The following ZBTB20 variants were observed in gnomAD, a reference collection of about 807,000 sequenced individuals.
The protein encoded by ZBTB20 is zinc finger and BTB domain containing 20, also known as zinc finger and BTB domain-containing protein 20.
Under a neutral mutation model 56.9 loss-of-function variants are expected in ZBTB20, and 9 were observed. The observed-to-expected ratio is 0.16, with a 90% CI of 0.10 to 0.28. The LOEUF is 0.28. ZBTB20 is among the 10% of genes least tolerant of loss of function. ZBTB20 has a pLI of 1.00. For missense variants in ZBTB20, 655 were observed against 1,003.0 expected, an observed-to-expected ratio of 0.65 and a Z score of 4.69; for synonymous variants, 417 against 420.7, an observed-to-expected ratio of 0.99 and a Z score of 0.11.
chr3:114,382,722 T>C (rs182755374), intron 8 of ZBTB20, among the ~76,000 whole-genome samples: 2 of 152,344 alleles, frequency 1.3e-5, no homozygotes, highest in South Asian at 2.1e-4. Context: ...CAATAATGGC[T>C]ATTTATGTGC....
intron 4 of ZBTB20, chr3:114,874,105 T>C (rs1360008663): frequency 6.6e-6 from 1 of 152,116 alleles, no homozygotes; most frequent in Non-Finnish European, 1.5e-5. Context: ...TGCTTAGACA[T>C]AGGCTTAAAA....
intron 2 of ZBTB20, among the ~76,000 whole-genome samples, chr3:115,065,252 T>C (rs1278696549): frequency 6.6e-6 from 1 of 152,202 alleles, no homozygotes; most frequent in Non-Finnish European, 1.5e-5. Context: ...TCTTGTCATG[T>C]TTCATAGTAG....
intron 6 of ZBTB20, among the ~76,000 whole-genome samples, chr3:114,585,877 A>G (rs752629221): frequency 7.9e-5 from 12 of 152,256 alleles, no homozygotes; most frequent in Non-Finnish European, 1.6e-4. Flanking sequence ...ACTTCAGCAG[A>G]TAAAGGGTCT....
intron 7 of ZBTB20, among the ~76,000 whole-genome samples, chr3:114,468,424 T>C (rs749311538): frequency 6.6e-6 from 1 of 152,188 alleles, no homozygotes; most frequent in African/African-American, 2.4e-5. Context: ...ATTTTTTGTA[T>C]ATGTACATAT....
chr3:115,096,995 C>T (rs2083402875), intron 1 of ZBTB20, among the ~76,000 whole-genome samples: 2 of 152,052 alleles, frequency 1.3e-5, no homozygotes, highest in Admixed American at 6.6e-5. Flanking sequence ...TAAAAATGTG[C>T]AGAATAAAAA....
intron 4 of ZBTB20, among the ~76,000 whole-genome samples, chr3:114,866,265 C>G (rs919414824): frequency 1.3e-5 from 2 of 151,914 alleles, no homozygotes; most frequent in Non-Finnish European, 2.9e-5. Context: ...TGTTATCATC[C>G]CAGATTTAGA....
chr3:114,553,396 C>T (rs1269544379), intron 6 of ZBTB20, among the ~76,000 whole-genome samples: 1 of 152,154 alleles, frequency 6.6e-6, no homozygotes, highest in African/African-American at 2.4e-5. Flanking sequence ...CCATCCTCTT[C>T]CAAGCATTTC....
At chr3:114,586,167 C>T (rs917219244) in intron 6 of ZBTB20, among the ~76,000 whole-genome samples, 1 of 152,148 alleles carries the variant, frequency 6.6e-6, no homozygotes, top group Non-Finnish European at 1.5e-5. Context: ...AATTTTCTAC[C>T]TCAAAGAGAA....
chr3:114,376,923 G>C (rs1206150830), intron 10 of ZBTB20, among the ~76,000 whole-genome samples: 2 of 152,128 alleles, frequency 1.3e-5, no homozygotes, highest in Non-Finnish European at 2.9e-5. Context: ...TTATTTGGGG[G>C]AAAACAAAAT....
chr3:114,943,115 C>T lies in ZBTB20; in HGVS notation c.-456+31251G>A, dbSNP rs760710442. ...CGAAGCAAAAACTGGAGTTTAGTGA[C>T]TACTTGAAAAGCACTCCAAAATTTT... On this transcript the variant is annotated intron_variant, in intron 3 of 11. Coordinates refer to ENST00000675478, the MANE Select transcript of ZBTB20 (RefSeq NM_001348800.3). Among the ~76,000 whole-genome samples the T allele has an allele frequency of 1.4e-4, 21 of 145,426 alleles. 1 individual carries two copies. Among genetic ancestry groups the T allele is most frequent in the South Asian group, 4.3e-4 (2 of 4,656 alleles).
intron 7 of ZBTB20, among the ~76,000 whole-genome samples, chr3:114,408,914 G>A (rs1285926733): frequency 5.9e-5 from 9 of 152,042 alleles, no homozygotes; most frequent in Admixed American, 4.6e-4. Context: ...CTGCCTAGTG[G>A]GAGAGCAGCG....
intron 10 of ZBTB20, among the ~76,000 whole-genome samples, chr3:114,371,213 A>C (rs985261019): frequency 1.3e-5 from 2 of 152,212 alleles, no homozygotes; most frequent in African/African-American, 4.8e-5. Context: ...AAATGGAGCC[A>C]TGTCTAATAA....
intron 2 of ZBTB20, among the ~76,000 whole-genome samples, chr3:115,031,939 GT>G (rs2080701829): frequency 6.6e-6 from 1 of 151,362 alleles, no homozygotes; most frequent in Non-Finnish European, 1.5e-5. Flanking sequence ...TCAACCCTGA[GT>G]ACATCAGACT....
chr3:114,594,163 T>C (rs2056087313), intron 6 of ZBTB20, among the ~76,000 whole-genome samples: 1 of 152,192 alleles, frequency 6.6e-6, no homozygotes, highest in Admixed American at 6.5e-5. Flanking sequence ...AAAAACATTT[T>C]AGTATTAATT....
At chr3:114,931,294 G>T in intron 3 of ZBTB20, 1 of 197,006 alleles carries the variant, frequency 5.1e-6, no homozygotes, top group South Asian at 1.0e-4. Context: ...AGAAAATCAA[G>T]ATGAGACCCA....
intron 7 of ZBTB20, among the ~76,000 whole-genome samples, chr3:114,405,227 G>C (rs2087201346): frequency 6.6e-6 from 1 of 152,090 alleles, no homozygotes. Flanking sequence ...GAGATCCTCT[G>C]TTTCTTAAAA....
chr3:115,139,137 C>T (rs1027046865), intron 1 of ZBTB20, among the ~76,000 whole-genome samples: 6 of 151,842 alleles, frequency 4.0e-5, no homozygotes, highest in East Asian at 1.9e-4. Flanking sequence ...ATTTTGGCTA[C>T]GAGGTGATTT....
At chr3:114,507,412 T>C (rs1025363895) in intron 6 of ZBTB20, among the ~76,000 whole-genome samples, 2 of 152,120 alleles carry the variant, frequency 1.3e-5, no homozygotes, top group African/African-American at 4.8e-5. Flanking sequence ...AAAACTGAGA[T>C]AATTTAGCTT....
chr3:115,094,542 CT>C (rs1354942721), intron 1 of ZBTB20, among the ~76,000 whole-genome samples: 1,426 of 140,416 alleles, frequency 0.01, 3 homozygotes, highest in Middle Eastern at 0.027. Context: ...CTAGTAATAG[CT>C]TTTTTTTTTT....
Sources: gnomAD v4.1 joint callset for allele counts (sites outside exome capture counted in the v4.1 genomes callset) on GRCh38, gnomAD v4.1.1 for gene constraint, MANE v1.5 for transcripts, NCBI Gene and HGNC (gene_info 2026-07-23, HGNC 2026-07-21) for gene names.